CFAP46: variants seen among roughly 807,000 people sequenced by gnomAD.
The protein encoded by CFAP46 is cilia and flagella associated protein 46, also known as cilia- and flagella-associated protein 46.
CFAP46 carries 245 observed loss-of-function variants against 325.7 expected under a neutral mutation model. The observed-to-expected ratio is 0.75, with a 90% confidence interval of 0.68 to 0.84. The LOEUF is 0.84. Ranked by LOEUF, CFAP46 falls within the 40% of genes least tolerant of loss-of-function variation. The probability of loss-of-function intolerance (pLI) is 0.00; values close to 1 mark genes in which losing one functional copy is unlikely to be tolerated. For missense variants in CFAP46, 3,346 were observed against 3,543.0 expected (o/e 0.94, Z 1.41); for synonymous variants, 1,523 against 1,495.9 (o/e 1.02, Z -0.42).
At chr10:132,823,990 T>A (rs1847964833) in intron 50 of CFAP46, among the ~76,000 whole-genome samples, 1 of 92,194 alleles carries the variant, frequency 1.1e-5, no homozygotes, top group African/African-American at 5.0e-5. Context: ...CTGTGTGTGC[T>A]GCTTGTTTGT....
Position 132,939,182 on chromosome 10 carries a change from G to A in CFAP46, c.372-429C>T, listed in dbSNP as rs2135744159. ...AATCAAGGAAGGCTTCCTGGAGGAG[G>A]TTACATGCCTGCTGTGACCTGAAAG... On this transcript the variant is annotated intron_variant, in intron 4 of 57. Coordinates refer to ENST00000368586, the MANE Select transcript of CFAP46 (RefSeq NM_001200049.3). The surrounding 1 kb of genome is among the most constrained non-coding windows in gnomAD (Gnocchi z 4.6). Among the ~76,000 whole-genome samples the A allele has an allele frequency of 6.6e-6, 1 of 152,354 alleles. No homozygotes were observed. Among genetic ancestry groups the A allele is most frequent in the African/African-American group, 2.4e-5 (1 of 41,586 alleles).
intron 31 of CFAP46, among the ~76,000 whole-genome samples, chr10:132,875,192 C>T (rs917226319): frequency 5.3e-5 from 8 of 152,150 alleles, no homozygotes; most frequent in African/African-American, 1.9e-4. Context: ...ATCTGACATG[C>T]ATAACTGCCA....
At position 132,834,678 on chromosome 10, in the gene CFAP46, G is replaced by A; in HGVS notation, c.6842C>T (p.Pro2281Leu). 2.5e-6 allele frequency: 4 copies of A among 1,613,374 alleles called. No individual in the cohort carries two copies. Among genetic ancestry groups the A allele is most frequent in the Non-Finnish European group, 3.4e-6 (4 of 1,179,962 alleles). The change falls in exon 48 of 58, where the codon CCC (proline) becomes CTC (leucine). Residue 2281 changes from proline (P) to leucine (L), a missense_variant. By Grantham distance (98) the Pro-to-Leu change is moderately conservative. Transcript: ENST00000368586. The part of the protein sequence containing the change: ...PLEELLQPLF[P>L]LLSLSKARVQ... Reference sequence around the variant, plus strand: ...CCTGGCCTTGGAGAGGCTGAGCAGGGGGAATAGCGGCTGCAGAAGCTCCTC... The same window carrying A: ...CCTGGCCTTGGAGAGGCTGAGCAGGAGGAATAGCGGCTGCAGAAGCTCCTC...
chr10:132,864,740 C>T, intron 35 of CFAP46, among the ~76,000 whole-genome samples: 4 of 128,356 alleles, frequency 3.1e-5, no homozygotes, highest in African/African-American at 6.2e-5. Context: ...TGCCTGAGAC[C>T]TGCACACTCC....
chr10:132,898,841 G>T (rs1849353276), intron 24 of CFAP46, 118 bp downstream of exon 24: 1 of 1,341,300 alleles, frequency 7.5e-7, no homozygotes, highest in Non-Finnish European at 1.0e-6. Context: ...GCTGGTGCTG[G>T]TGCACCCTCT....
chr10:132,831,491 G>A (rs1848146199), intron 50 of CFAP46, among the ~76,000 whole-genome samples: 2 of 152,096 alleles, frequency 1.3e-5, no homozygotes, highest in African/African-American at 4.8e-5. Context: ...TTTACGGAAT[G>A]GCCCACTGTA....
At chr10:132,823,561 CTGA>C (rs1289719888) in intron 50 of CFAP46, among the ~76,000 whole-genome samples, 6 of 87,260 alleles carry the variant, frequency 6.9e-5, no homozygotes, top group South Asian at 5.7e-4. Context: ...CTGATGTGTG[CTGA>C]TGTGTGCTGT....
rs768990419 is a variant in CFAP46, at chr10:132,920,299, C to T, written c.1607-117G>A. On this transcript the variant is annotated intron_variant, in intron 13 of 57. Transcript: ENST00000368586. ...GGGTGGCCACCCACAGGTAGCGGCT[C>T]CAGGGGCCCTAGATCCCCGGCTCCC... 272 of 1,288,364 alleles carry T rather than the reference C, an allele frequency of 2.1e-4. 1 individual carries two copies. Among genetic ancestry groups the T allele is most frequent in the Middle Eastern group, 8.4e-4 (3 of 3,590 alleles). 79.8% of individuals were successfully genotyped at this position (1,288,364 alleles called of 1,614,324 possible). A position where few individuals can be genotyped will look rare whatever the true frequency, so the allele number is the denominator to read the frequency against.
At chr10:132,909,266 G>A (rs1334192680) in intron 20 of CFAP46, 22 bp from the exon 21 acceptor site, 3 of 1,525,018 alleles carry the variant, frequency 2.0e-6, no homozygotes, top group East Asian at 2.5e-5. Flanking sequence ...GATGCCCTGA[G>A]TGTATCAGCC....
chr10:132,852,371 T>G (rs61862299), intron 39 of CFAP46, among the ~76,000 whole-genome samples: 1,608 of 59,356 alleles, frequency 0.027, no homozygotes, highest in Non-Finnish European at 0.035. Context: ...TGTTCCTCCA[T>G]TTACTTAAGA....
At chr10:132,933,241 A>C (rs904199151) in intron 8 of CFAP46, among the ~76,000 whole-genome samples, 5 of 152,044 alleles carry the variant, frequency 3.3e-5, no homozygotes, top group Non-Finnish European at 7.4e-5. Flanking sequence ...GGGCCCTCTC[A>C]GGTCCTGGCA....
Position 132,922,222 on chromosome 10 carries a change from T to G in CFAP46, c.1488A>C (p.Ala496=), listed in dbSNP as rs1187589948. ...CGCTGTCCTTTGGTGTAGCTTTTTT[T>G]GCCTGTGAAAAGCAGAGACTGATGA... is the stretch of plus-strand genomic sequence containing the variant. The part of the protein sequence containing the change: ...EDKAIMAVEQ[A]KKATPKDSVR... The change falls in exon 13 of 58, where the codon GCA becomes GCC. Residue 496 remains alanine (A), a splice_region_variant and synonymous_variant. Coordinates refer to ENST00000368586, the MANE Select transcript of CFAP46 (RefSeq NM_001200049.3). 19 of 1,549,188 alleles carry G rather than the reference T, an allele frequency of 1.2e-5. No homozygotes were observed. The highest frequency in any genetic ancestry group is 1.6e-5 in the Non-Finnish European group (18 of 1,145,988).
chr10:132,884,215 C>T lies in CFAP46; in HGVS notation c.3627+888G>A, dbSNP rs1046688926. ...TAGCAGGGCAACTGCCGAGGAACGA[C>T]GTGGCCTCTGGTTCCCCGGAGCGAG... On this transcript the variant is annotated intron_variant, in intron 27 of 57. Coordinates refer to ENST00000368586, the MANE Select transcript of CFAP46 (RefSeq NM_001200049.3). The surrounding 1 kb of genome is among the most constrained non-coding windows in gnomAD (Gnocchi z 5.4). 2.0e-5 allele frequency among the ~76,000 whole-genome samples: 3 copies of T among 152,296 alleles called. No individual in the cohort carries two copies. Among genetic ancestry groups the T allele is most frequent in the African/African-American group, 7.2e-5 (3 of 41,564 alleles).
intron 5 of CFAP46, 53 bp downstream of exon 5, chr10:132,938,536 G>C: frequency 6.3e-7 from 1 of 1,582,850 alleles, no homozygotes; most frequent in Non-Finnish European, 8.6e-7. Context: ...TGGCCTCAGA[G>C]CCAGAGGGCG....
At chr10:132,841,505 C>T (rs1848345104) in intron 44 of CFAP46, among the ~76,000 whole-genome samples, 1 of 152,212 alleles carries the variant, frequency 6.6e-6, no homozygotes, top group African/African-American at 2.4e-5. Flanking sequence ...GCCAGTGACT[C>T]CACAGCTCTG....
intron 7 of CFAP46, among the ~76,000 whole-genome samples, chr10:132,936,203 T>C (rs1157277853): frequency 9.6e-6 from 1 of 104,096 alleles, no homozygotes; most frequent in Non-Finnish European, 1.9e-5. Flanking sequence ...CCAAACACAC[T>C]GTGATCTCCT....
At chr10:132,918,638 G>A (rs968477702) in intron 15 of CFAP46, 118 bp from the exon 16 acceptor site, 11 of 1,309,914 alleles carry the variant, frequency 8.4e-6, no homozygotes, top group Admixed American at 3.0e-5. Context: ...TGTAGGGTCC[G>A]CCAAGGTGGG....
At chr10:132,907,175 C>T (rs1849468971) in intron 22 of CFAP46, among the ~76,000 whole-genome samples, 1 of 152,260 alleles carries the variant, frequency 6.6e-6, no homozygotes, top group Non-Finnish European at 1.5e-5. Flanking sequence ...GCCATTTGGC[C>T]ACAGAAAACA....
intron 44 of CFAP46, among the ~76,000 whole-genome samples, chr10:132,844,108 C>T (rs938484084): frequency 7.1e-6 from 1 of 141,832 alleles, no homozygotes; most frequent in Non-Finnish European, 1.5e-5. Context: ...GGTGGGTGTT[C>T]CCAGGGTGCT....
Sources: gnomAD v4.1 joint callset for allele counts (sites outside exome capture counted in the v4.1 genomes callset) on GRCh38, gnomAD v4.1.1 for gene constraint, Gnocchi (gnomAD v3.1) non-coding constraint, MANE v1.5 for transcripts, NCBI Gene and HGNC (gene_info 2026-07-23, HGNC 2026-07-21) for gene names.